ARID2: variants seen among roughly 807,000 people sequenced by gnomAD.
ARID2 encodes the protein AT-rich interactive domain-containing protein 2.
In ARID2, 32 loss-of-function variants were observed where a neutral mutation model predicts 184.6. The observed-to-expected ratio is 0.17, with a 90% CI of 0.13 to 0.23. The LOEUF (loss-of-function observed/expected upper bound fraction) is 0.23, where lower values mean the gene tolerates loss of function less well. Ranked by LOEUF, ARID2 falls within the 10% of genes least tolerant of loss-of-function variation. ARID2 has a pLI of 1.00. For synonymous variants in ARID2, 836 were observed against 772.6 expected, an observed-to-expected ratio of 1.08 and a Z score of -1.36; for missense variants, 1,696 against 2,197.6, an observed-to-expected ratio of 0.77 and a Z score of 4.56.
chr12:45,749,216 G>A (rs978850035), intron 3 of ARID2, among the ~76,000 whole-genome samples: 11 of 152,220 alleles, frequency 7.2e-5, no homozygotes, highest in Admixed American at 7.2e-4. Flanking sequence ...TGTTGTGTCA[G>A]CAGCATGAAA....
chr12:45,835,254 C>A (rs1198905639), intron 6 of ARID2, among the ~76,000 whole-genome samples: 1 of 151,844 alleles, frequency 6.6e-6, no homozygotes, highest in Admixed American at 6.6e-5. Flanking sequence ...TTTTTTATTT[C>A]TTTGAACTTA....
intron 16 of ARID2, among the ~76,000 whole-genome samples, chr12:45,887,417 G>A (rs1322808366): frequency 6.6e-6 from 1 of 152,088 alleles, no homozygotes; most frequent in Non-Finnish European, 1.5e-5. Flanking sequence ...TGTTTCTATC[G>A]CTTCTAGTTA....
intron 3 of ARID2, among the ~76,000 whole-genome samples, chr12:45,740,009 C>T (rs1022419321): frequency 2.0e-5 from 3 of 152,184 alleles, no homozygotes; most frequent in Non-Finnish European, 2.9e-5. Flanking sequence ...CCACATAGAA[C>T]TTCATAAACA....
intron 3 of ARID2, among the ~76,000 whole-genome samples, chr12:45,759,147 G>A (rs981710775): frequency 6.6e-6 from 1 of 152,020 alleles, no homozygotes; most frequent in Non-Finnish European, 1.5e-5. Flanking sequence ...ATAATAGATT[G>A]TACTTTATAG....
At chr12:45,855,104 G>A (rs12370024) in intron 15 of ARID2, among the ~76,000 whole-genome samples, 27,890 of 152,100 alleles carry the variant, frequency 0.18, 3,414 homozygotes, top group Non-Finnish European at 0.27. Context: ...TTGTGTTAGA[G>A]GATGTTCTAT....
chr12:45,836,461 C>A (rs1943221827), intron 6 of ARID2, 128 bp from the exon 7 acceptor site: 2 of 787,840 alleles, frequency 2.5e-6, no homozygotes, highest in East Asian at 2.9e-5. Context: ...AGTAATCCTC[C>A]CATCTTGGCC....
At chr12:45,825,691 C>T (rs757513937) in intron 6 of ARID2, among the ~76,000 whole-genome samples, 2 of 151,910 alleles carry the variant, frequency 1.3e-5, no homozygotes, top group Non-Finnish European at 2.9e-5. Context: ...AATGAGACCT[C>T]GTCTCTACAA....
chr12:45,751,769 T>C (rs559504892), intron 3 of ARID2, among the ~76,000 whole-genome samples: 37 of 152,336 alleles, frequency 2.4e-4, no homozygotes, highest in Non-Finnish European at 5.1e-4. Flanking sequence ...TAGGCAATTG[T>C]AACCCCATGG....
At chr12:45,807,889 C>G (rs1318455486) in intron 3 of ARID2, among the ~76,000 whole-genome samples, 1 of 152,082 alleles carries the variant, frequency 6.6e-6, no homozygotes, top group Non-Finnish European at 1.5e-5. Context: ...CATTAAATTT[C>G]CCCAAAGTCA....
chr12:45,757,659 A>G (rs1169064549), intron 3 of ARID2, among the ~76,000 whole-genome samples: 1 of 152,228 alleles, frequency 6.6e-6, no homozygotes, highest in African/African-American at 2.4e-5. Flanking sequence ...GTTAACATTC[A>G]TTACTAGGGC....
chr12:45,731,143 G>C (rs1940987144), intron 2 of ARID2, 74 bp from the exon 3 acceptor site: 2 of 1,074,926 alleles, frequency 1.9e-6, no homozygotes, highest in South Asian at 2.5e-5. Flanking sequence ...TGTAGAATGG[G>C]TATTTATTTC....
At chr12:45,843,251 A>G (rs936557296) in intron 11 of ARID2, among the ~76,000 whole-genome samples, 5 of 150,056 alleles carry the variant, frequency 3.3e-5, no homozygotes, top group African/African-American at 1.3e-4. Flanking sequence ...TGATATATTC[A>G]AGAAGTTTTA....
chr12:45,836,285 C>T (rs1159798671), intron 6 of ARID2, among the ~76,000 whole-genome samples: 1 of 152,202 alleles, frequency 6.6e-6, no homozygotes, highest in Non-Finnish European at 1.5e-5. Flanking sequence ...TCACAGCTCC[C>T]TGCAGCCTTC....
chr12:45,750,877 A>T (rs1941451179), intron 3 of ARID2, among the ~76,000 whole-genome samples: 1 of 152,206 alleles, frequency 6.6e-6, no homozygotes, highest in Admixed American at 6.5e-5. Flanking sequence ...AATTTGTACA[A>T]GGTGACCCAA....
At chr12:45,734,074 T>C (rs1003987252) in intron 3 of ARID2, among the ~76,000 whole-genome samples, 2 of 152,196 alleles carry the variant, frequency 1.3e-5, no homozygotes, top group Non-Finnish European at 2.9e-5. Context: ...AAGCAGTCTA[T>C]TTAAAAATTG....
chr12:45,888,194 CAA>C (rs1312278812), intron 16 of ARID2, among the ~76,000 whole-genome samples: 16 of 97,754 alleles, frequency 1.6e-4, no homozygotes, highest in Non-Finnish European at 1.4e-4. Flanking sequence ...GACTCCGTCT[CAA>C]AAAAAAAAAA....
intron 20 of ARID2, among the ~76,000 whole-genome samples, chr12:45,902,780 T>C (rs1183974421): frequency 6.6e-6 from 1 of 152,104 alleles, no homozygotes; most frequent in African/African-American, 2.4e-5. Flanking sequence ...CCTGACCTCG[T>C]GATCCGCCTG....
chr12:45,833,689 G>T (rs1215051220), intron 6 of ARID2, among the ~76,000 whole-genome samples: 3 of 152,146 alleles, frequency 2.0e-5, no homozygotes, highest in African/African-American at 7.2e-5. Context: ...TCTAGGGCTT[G>T]TTTATTCCTT....
chr12:45,875,024 T>C (rs1943987528), intron 16 of ARID2, among the ~76,000 whole-genome samples: 1 of 152,106 alleles, frequency 6.6e-6, no homozygotes, highest in African/African-American at 2.4e-5. Context: ...TCAGGAGGCT[T>C]TGGTGGAAGG....
Sources: allele counts gnomAD v4.1 joint callset (sites outside exome capture counted in the v4.1 genomes callset), GRCh38; gene constraint gnomAD v4.1.1; transcripts MANE v1.5; gene names NCBI Gene and HGNC (gene_info 2026-07-23, HGNC 2026-07-21).